The following ADGRL2 variants were observed in gnomAD, a reference collection of about 807,000 sequenced individuals.
ADGRL2 encodes the protein adhesion G protein-coupled receptor L2.
ADGRL2 carries 44 observed loss-of-function variants against 157.4 expected under a neutral mutation model. That is an observed-to-expected ratio of 0.28 (90% confidence interval 0.22 to 0.36). ADGRL2 has a LOEUF of 0.36. Ranked by LOEUF, ADGRL2 falls within the 10% of genes least tolerant of loss-of-function variation. The pLI is 1.00. For synonymous variants in ADGRL2, 585 were observed against 624.7 expected, an observed-to-expected ratio of 0.94 and a Z score of 0.95; for missense variants, 1,510 against 1,768.9, an observed-to-expected ratio of 0.85 and a Z score of 2.63.
intron 2 of ADGRL2, among the ~76,000 whole-genome samples, chr1:81,565,661 T>C (rs2080543088): frequency 6.6e-6 from 1 of 152,176 alleles, no homozygotes; most frequent in Non-Finnish European, 1.5e-5. Context: ...TCCTGTTGTG[T>C]GTGTGTCTTT....
At chr1:81,358,141 A>T (rs561586905) in intron 1 of ADGRL2, among the ~76,000 whole-genome samples, 1 of 152,262 alleles carries the variant, frequency 6.6e-6, no homozygotes. Context: ...TTGTCAACAT[A>T]ATTTGTTTTA....
intron 3 of ADGRL2, among the ~76,000 whole-genome samples, chr1:81,617,257 T>C (rs1044337536): frequency 6.6e-6 from 1 of 152,036 alleles, no homozygotes; most frequent in African/African-American, 2.4e-5. Context: ...ATGCCTCGGA[T>C]CTAGGTTGCA....
intron 1 of ADGRL2, among the ~76,000 whole-genome samples, chr1:81,718,461 T>C (rs1316464922): frequency 6.8e-6 from 1 of 146,880 alleles, no homozygotes; most frequent in East Asian, 2.0e-4. Context: ...AATGTAGCAT[T>C]AAAAAAAAAA....
chr1:81,817,024 T>C (rs1281449723), intron 1 of ADGRL2, among the ~76,000 whole-genome samples: 1 of 151,802 alleles, frequency 6.6e-6, no homozygotes, highest in Admixed American at 6.6e-5. Context: ...GCATGTACTT[T>C]ATAGTAGTGT....
chr1:81,380,141 TCTAA>T (rs2076318767), intron 1 of ADGRL2, among the ~76,000 whole-genome samples: 2 of 151,876 alleles, frequency 1.3e-5, no homozygotes, highest in African/African-American at 4.8e-5. Context: ...AGCTACAAAC[TCTAA>T]CTTTTTTTCT....
rs999590279 is a variant in ADGRL2, at chr1:81,413,475, A to C, written c.-301-31561A>C. ...TAAAAAAAAAAGACATGGAAACTGT[A>C]GGCTACCATTACGGATGCCCTTATG... is the stretch of plus-strand genomic sequence containing the variant. On this transcript the variant is annotated intron_variant, in intron 1 of 24. Transcript: ENST00000370721. 3.9e-5 allele frequency among the ~76,000 whole-genome samples: 6 copies of C among 152,200 alleles called. No individual in the cohort carries two copies. The South Asian group carries it at 1.2e-3, about 31-fold the overall frequency.
At chr1:81,867,744 CAA>C (rs2093583971) in intron 2 of ADGRL2, among the ~76,000 whole-genome samples, 1 of 151,880 alleles carries the variant, frequency 6.6e-6, no homozygotes. Context: ...AAGTAATATT[CAA>C]AAAAATTTTA....
intron 3 of ADGRL2, among the ~76,000 whole-genome samples, chr1:81,660,045 C>T (rs745887797): frequency 6.6e-6 from 1 of 152,122 alleles, no homozygotes; most frequent in Admixed American, 6.6e-5. Context: ...GACAATCTAT[C>T]ACCAATACCA....
intron 2 of ADGRL2, among the ~76,000 whole-genome samples, chr1:81,493,576 G>C (rs1570271651): frequency 6.6e-6 from 1 of 152,172 alleles, no homozygotes; most frequent in East Asian, 1.9e-4. Context: ...GGAAGGAAGG[G>C]AGTGGAGGTT....
At chr1:81,734,865 C>G (rs556902749) in intron 1 of ADGRL2, among the ~76,000 whole-genome samples, 1 of 146,226 alleles carries the variant, frequency 6.8e-6, no homozygotes, top group South Asian at 2.3e-4. Flanking sequence ...GAAACCCTGT[C>G]TCTACTAAAA....
At chr1:81,716,967 C>T (rs540292135) in intron 1 of ADGRL2, among the ~76,000 whole-genome samples, 2 of 152,216 alleles carry the variant, frequency 1.3e-5, no homozygotes, top group African/African-American at 4.8e-5. Flanking sequence ...TAATAACAGA[C>T]TTATTTCATA....
intron 3 of ADGRL2, among the ~76,000 whole-genome samples, chr1:81,694,438 G>A (rs932408834): frequency 1.3e-5 from 2 of 151,004 alleles, no homozygotes; most frequent in African/African-American, 2.4e-5. Flanking sequence ...ACACTATCTG[G>A]TACATAGTAA....
At chr1:81,404,031 C>T (rs7531419) in intron 1 of ADGRL2, among the ~76,000 whole-genome samples, 7,479 of 151,966 alleles carry the variant, frequency 0.049, 564 homozygotes, top group African/African-American at 0.17. Context: ...CTCTTGACCT[C>T]GTAATCCGTC....
At chr1:81,635,563 G>T (rs1041068992) in intron 3 of ADGRL2, among the ~76,000 whole-genome samples, 11 of 152,148 alleles carry the variant, frequency 7.2e-5, no homozygotes, top group Admixed American at 7.2e-4. Flanking sequence ...TTGGTGTCTC[G>T]TGAAGAGCTA....
intron 1 of ADGRL2, among the ~76,000 whole-genome samples, chr1:81,701,708 C>T (rs1005445395): frequency 6.6e-6 from 1 of 152,214 alleles, no homozygotes; most frequent in African/African-American, 2.4e-5. Context: ...TCAATGCTGT[C>T]TGTTTTCTTG....
chr1:81,401,741 A>G (rs905813365), intron 1 of ADGRL2, among the ~76,000 whole-genome samples: 3 of 152,184 alleles, frequency 2.0e-5, no homozygotes, highest in African/African-American at 7.2e-5. Context: ...ACTAAGCAGC[A>G]TCTTTTCCAG....
At chr1:81,923,760 A>T (rs945362327) in intron 3 of ADGRL2, among the ~76,000 whole-genome samples, 1 of 152,156 alleles carries the variant, frequency 6.6e-6, no homozygotes, top group African/African-American at 2.4e-5. Flanking sequence ...AAGACTAGGC[A>T]TTGAGATAGA....
At chr1:81,894,038 A>G (rs2094328340) in intron 2 of ADGRL2, among the ~76,000 whole-genome samples, 1 of 152,176 alleles carries the variant, frequency 6.6e-6, no homozygotes, top group African/African-American at 2.4e-5. Context: ...TCATAGTATC[A>G]CAGTTAATAG....
At chr1:81,959,101 G>A (rs1014666650) in intron 11 of ADGRL2, among the ~76,000 whole-genome samples, 2 of 152,018 alleles carry the variant, frequency 1.3e-5, no homozygotes, top group African/African-American at 4.8e-5. Flanking sequence ...TTTTCCAAGT[G>A]GTTGTACCAT....
Sources: allele counts gnomAD v4.1 joint callset (sites outside exome capture counted in the v4.1 genomes callset), GRCh38; gene constraint gnomAD v4.1.1; transcripts MANE v1.5; gene names NCBI Gene and HGNC (gene_info 2026-07-23, HGNC 2026-07-21).